ATP2B4: variants seen among roughly 807,000 people sequenced by gnomAD.
ATP2B4 encodes the protein ATPase plasma membrane Ca2+ transporting 4, also known as plasma membrane calcium-transporting ATPase 4.
In ATP2B4, 39 loss-of-function variants were observed where a neutral mutation model predicts 110.3. The observed-to-expected ratio is 0.35, with a 90% CI of 0.27 to 0.46. The LOEUF (loss-of-function observed/expected upper bound fraction) is 0.46, where lower values mean the gene tolerates loss of function less well. Ranked by LOEUF, ATP2B4 falls within the 20% of genes least tolerant of loss-of-function variation. The pLI, the probability that ATP2B4 is intolerant of heterozygous loss-of-function variation, is 1.00. For missense variants in ATP2B4, 1,135 were observed against 1,530.9 expected, an observed-to-expected ratio of 0.74 and a Z score of 4.32; for synonymous variants, 538 against 571.7, an observed-to-expected ratio of 0.94 and a Z score of 0.84.
chr1:203,703,161 A>G (rs1326609003), intron 7 of ATP2B4, among the ~76,000 whole-genome samples: 2 of 127,568 alleles, frequency 1.6e-5, no homozygotes, highest in African/African-American at 3.5e-5. Flanking sequence ...CTTCCCTGAC[A>G]ATCGAGAGAG....
At chr1:203,634,850 G>GT (rs1663390169) in intron 1 of ATP2B4, among the ~76,000 whole-genome samples, 20 of 152,226 alleles carry the variant, frequency 1.3e-4, no homozygotes, top group African/African-American at 4.8e-4. Flanking sequence ...TTTTTGTAGA[G>GT]ACGGGGTTTC....
At position 203,739,668 on chromosome 1, in the gene ATP2B4, A is replaced by G; in HGVS notation, c.3432A>G (p.Arg1144=). ...TCGCCATAGAGGAGGAGTTGCCACG[A>G]ACACCACTCCTGGATGAGGAAGAGG... ...PEFAIEEELP[R]TPLLDEEEEE... Residue 1144 remains arginine, a synonymous_variant, in exon 21 of 21, where the codon CGA becomes CGG. Coordinates refer to ENST00000357681, the MANE Select transcript of ATP2B4 (RefSeq NM_001684.5). The G allele has an allele frequency of 6.2e-7, 1 of 1,614,202 alleles. No individual in the cohort carries two copies. The highest frequency in any genetic ancestry group is 8.5e-7 in the Non-Finnish European group (1 of 1,180,036).
chr1:203,658,694 A>G (rs1664239706), intron 1 of ATP2B4, among the ~76,000 whole-genome samples: 1 of 152,234 alleles, frequency 6.6e-6, no homozygotes, highest in Admixed American at 6.5e-5. Context: ...TTAAATCCTC[A>G]GTAACTATAG....
At position 203,716,922 on chromosome 1, in the gene ATP2B4, C is replaced by T. The variant is rs912758771; in HGVS notation, c.2406+2645C>T. ...ACTTACATAAAAAGAGATTCCCGGC[C>T]GGGCGTAGTGGCTCGTGCTTGTAAT... On this transcript the variant is annotated intron_variant, in intron 15 of 20. Coordinates refer to ENST00000357681, the MANE Select transcript of ATP2B4 (RefSeq NM_001684.5). Among the ~76,000 whole-genome samples, 27 of 144,712 alleles carry T rather than the reference C, an allele frequency of 1.9e-4. 3 individuals carry two copies. The highest frequency in any genetic ancestry group is 6.3e-4 in the African/African-American group (25 of 39,716). 94.9% of individuals were successfully genotyped at this position (144,712 alleles called of 152,430 possible). A position where few individuals can be genotyped will look rare whatever the true frequency, so the allele number is the denominator to read the frequency against.
chr1:203,686,335 A>C (rs367887259), intron 2 of ATP2B4, among the ~76,000 whole-genome samples: 1 of 152,130 alleles, frequency 6.6e-6, no homozygotes, highest in Admixed American at 6.6e-5. Flanking sequence ...AGAAGCTGGA[A>C]CCTAGAGAAC....
intron 20 of ATP2B4, chr1:203,733,298 C>T: frequency 6.8e-6 from 11 of 1,614,124 alleles, no homozygotes; most frequent in Non-Finnish European, 7.6e-6. Flanking sequence ...GGGTCAACAC[C>T]TTGATGTAAA....
At chr1:203,667,274 G>A (rs1255492471) in intron 1 of ATP2B4, among the ~76,000 whole-genome samples, 1 of 152,066 alleles carries the variant, frequency 6.6e-6, no homozygotes, top group Admixed American at 6.5e-5. Flanking sequence ...TTCCAAAGGG[G>A]GACAGAAGCC....
rs1475628304 is a variant in ATP2B4, at chr1:203,708,057, A to G, written c.1510A>G (p.Ile504Val). The G allele has an allele frequency of 6.2e-7, 1 of 1,614,016 alleles. No homozygotes were observed. Residue 504 changes from isoleucine (I) to valine (V), a missense_variant, in exon 10 of 21, where the codon ATT becomes GTT. Transcript: ENST00000357681. ...DVFLPKVLDL[I>V]VNGISINSAY... Reference sequence around the variant, plus strand: ...CTTCCTGCCCAAAGTCCTGGACCTCATTGTCAATGGCATTTCTATCAACAG... The same window carrying G: ...CTTCCTGCCCAAAGTCCTGGACCTCGTTGTCAATGGCATTTCTATCAACAG...
At chr1:203,708,874 A>G (rs1665923966) in intron 10 of ATP2B4, among the ~76,000 whole-genome samples, 1 of 151,994 alleles carries the variant, frequency 6.6e-6, no homozygotes, top group South Asian at 2.1e-4. Context: ...AAGAAAAAAG[A>G]TGCCAGGTGC....
At chr1:203,723,765 A>G in intron 18 of ATP2B4, 116 bp from the exon 19 acceptor site, 1 of 766,274 alleles carries the variant, frequency 1.3e-6, no homozygotes, top group Non-Finnish European at 2.1e-6. Flanking sequence ...GCAAATCGGG[A>G]CTTGTACCCA....
intron 1 of ATP2B4, among the ~76,000 whole-genome samples, chr1:203,640,382 A>G (rs1387792712): frequency 1.3e-5 from 2 of 152,188 alleles, no homozygotes; most frequent in Admixed American, 6.5e-5. Context: ...CAGTGGCACA[A>G]TCATGGCTCA....
At chr1:203,735,698 A>G (rs1666861439) in intron 20 of ATP2B4, among the ~76,000 whole-genome samples, 1 of 152,226 alleles carries the variant, frequency 6.6e-6, no homozygotes, top group South Asian at 2.1e-4. Flanking sequence ...GAAAGAACTC[A>G]CTAAGTCTTG....
chr1:203,704,766 C>T (rs1665801959), intron 8 of ATP2B4, among the ~76,000 whole-genome samples: 1 of 152,100 alleles, frequency 6.6e-6, no homozygotes, highest in African/African-American at 2.4e-5. Context: ...AGGCATAAGC[C>T]ACCGCACCCT....
intron 2 of ATP2B4, among the ~76,000 whole-genome samples, chr1:203,686,994 CTTTTTTTTTTT>C (rs11329273): frequency 1.2e-5 from 1 of 86,458 alleles, no homozygotes; most frequent in Non-Finnish European, 2.2e-5. Flanking sequence ...GGCATCTGGC[CTTTTTTTTTTT>C]TTTTTTTTTC....
At chr1:203,715,167 C>G (rs12078003) in intron 15 of ATP2B4, among the ~76,000 whole-genome samples, 1 of 151,288 alleles carries the variant, frequency 6.6e-6, no homozygotes. Context: ...CCCAGCTACT[C>G]GGGAGGCTGA....
chr1:203,649,792 AAAC>A (rs1663920028), intron 1 of ATP2B4, among the ~76,000 whole-genome samples: 1 of 152,160 alleles, frequency 6.6e-6, no homozygotes, highest in African/African-American at 2.4e-5. Context: ...CCTGTCTAAA[AAAC>A]AAGCAAAAAA....
intron 20 of ATP2B4, among the ~76,000 whole-genome samples, chr1:203,735,589 A>C (rs1666858634): frequency 6.6e-6 from 1 of 151,670 alleles, no homozygotes; most frequent in Non-Finnish European, 1.5e-5. Context: ...CCAGACTTAG[A>C]TTTGTTTTGT....
intron 1 of ATP2B4, among the ~76,000 whole-genome samples, chr1:203,658,530 CA>C (rs1296451088): frequency 2.2e-4 from 26 of 116,412 alleles, no homozygotes; most frequent in Non-Finnish European, 1.8e-4. Context: ...GACCCTGTCT[CA>C]AAAAAAAAAG....
Position 203,647,652 on chromosome 1 carries a change from G to A in ATP2B4, c.-465+20433G>A, listed in dbSNP as rs367640907. Among the ~76,000 whole-genome samples the A allele has an allele frequency of 1.4e-4, 22 of 152,044 alleles. No individual in the cohort carries two copies. In the East Asian group the frequency reaches 3.5e-3, roughly 24 times the overall value. On this transcript the variant is annotated intron_variant, in intron 1 of 20. Coordinates refer to ENST00000357681, the MANE Select transcript of ATP2B4 (RefSeq NM_001684.5). ...TGCATGTCTGTGGTCTCAGTTACTC[G>A]GGAGGCTGAGGTGGGAGGCTTGCTT...
Sources: gnomAD v4.1 joint callset for allele counts (sites outside exome capture counted in the v4.1 genomes callset) on GRCh38, gnomAD v4.1.1 for gene constraint, MANE v1.5 for transcripts, NCBI Gene and HGNC (gene_info 2026-07-23, HGNC 2026-07-21) for gene names.